KLHL1: variants seen among roughly 807,000 people sequenced by gnomAD.
KLHL1 encodes the protein kelch-like protein 1.
Under a neutral mutation model 77.7 loss-of-function variants are expected in KLHL1, and 47 were observed. That is an observed-to-expected ratio of 0.60 (90% CI 0.48 to 0.77). The LOEUF (loss-of-function observed/expected upper bound fraction) is 0.77. Ranked by LOEUF, KLHL1 falls within the 30% of genes least tolerant of loss-of-function variation. The probability of loss-of-function intolerance (pLI) is 0.00; values close to 1 mark genes in which losing one functional copy is unlikely to be tolerated. For synonymous variants in KLHL1, 360 were observed against 325.2 expected (o/e 1.11, Z -1.15); for missense variants, 925 against 910.8 (o/e 1.02, Z -0.20).
chr13:69,970,020 G>T (rs971396461), intron 2 of KLHL1, among the ~76,000 whole-genome samples: 18 of 152,048 alleles, frequency 1.2e-4, no homozygotes, highest in Non-Finnish European at 2.1e-4. Context: ...TTTAGCGAAA[G>T]CTGTGCAGAC....
At chr13:69,836,358 G>A (rs1878990147) in intron 6 of KLHL1, among the ~76,000 whole-genome samples, 1 of 152,084 alleles carries the variant, frequency 6.6e-6, no homozygotes, top group Non-Finnish European at 1.5e-5. Flanking sequence ...CACAGCAAGA[G>A]GCAGAAATCC....
intron 6 of KLHL1, among the ~76,000 whole-genome samples, chr13:69,818,109 C>A (rs534098570): frequency 6.6e-6 from 1 of 151,572 alleles, no homozygotes; most frequent in African/African-American, 2.4e-5. Context: ...CATCTGACAG[C>A]CTTATTTTAT....
rs150733045 is a variant in KLHL1, at chr13:69,877,736, G to A, written c.1227+4547C>T. On this transcript the variant is annotated intron_variant, in intron 5 of 10. Transcript: ENST00000377844. ...GGATTAGTTATTATATTTCAATAGA[G>A]GACAGAGAGCAACAGTGTTGCTTCT... 2.7e-3 allele frequency among the ~76,000 whole-genome samples: 412 copies of A among 152,144 alleles called. 1 individual carries two copies. Among genetic ancestry groups the A allele is most frequent in the Admixed American group, 0.021 (320 of 15,286 alleles).
intron 7 of KLHL1, among the ~76,000 whole-genome samples, chr13:69,791,486 A>G (rs540472714): frequency 5.9e-5 from 9 of 152,336 alleles, no homozygotes; most frequent in African/African-American, 1.9e-4. Flanking sequence ...AAAAATTCTT[A>G]AAATAAAAAC....
chr13:69,987,166 C>A (rs1411707392), intron 1 of KLHL1, among the ~76,000 whole-genome samples: 1 of 151,944 alleles, frequency 6.6e-6, no homozygotes, highest in Non-Finnish European at 1.5e-5. Context: ...GTTCACCATT[C>A]GCAATGTATC....
At chr13:69,940,589 C>T (rs2138301575) in intron 3 of KLHL1, among the ~76,000 whole-genome samples, 1 of 152,016 alleles carries the variant, frequency 6.6e-6, no homozygotes, top group South Asian at 2.1e-4. Flanking sequence ...CTCTAAGTAT[C>T]TGACAAGGTA....
At chr13:69,970,769 G>T (rs1275441710) in intron 2 of KLHL1, among the ~76,000 whole-genome samples, 1 of 152,090 alleles carries the variant, frequency 6.6e-6, no homozygotes, top group Non-Finnish European at 1.5e-5. Context: ...CTTCATTCTT[G>T]ATTTGTTCCT....
chr13:69,816,483 T>C (rs113958646), intron 6 of KLHL1, among the ~76,000 whole-genome samples: 3,468 of 151,962 alleles, frequency 0.023, 125 homozygotes, highest in African/African-American at 0.08. Flanking sequence ...AGGCTGGTCT[T>C]GAACTCCTGC....
At chr13:69,753,867 T>C (rs966572296) in intron 7 of KLHL1, among the ~76,000 whole-genome samples, 1 of 152,040 alleles carries the variant, frequency 6.6e-6, no homozygotes, top group Non-Finnish European at 1.5e-5. Flanking sequence ...AGACCAGTCT[T>C]GCTTTGTCAC....
At chr13:69,891,367 C>A (rs1881421425) in intron 4 of KLHL1, among the ~76,000 whole-genome samples, 1 of 151,890 alleles carries the variant, frequency 6.6e-6, no homozygotes, top group Admixed American at 6.6e-5. Context: ...TTTCTAGTAT[C>A]AGAAATAATT....
At position 69,719,196 on chromosome 13, in the gene KLHL1, G is replaced by GTA. The variant is rs1312378271; in HGVS notation, c.2015+172_2015+173insTA. 2.8e-4 allele frequency among the ~76,000 whole-genome samples: 6 copies of GTA among 21,736 alleles called. No homozygotes were observed. In the Admixed American group the frequency reaches 6.3e-3, roughly 23 times the overall value. 14.3% of individuals were successfully genotyped at this position (21,736 alleles called of 152,430 possible). On this transcript the variant is annotated intron_variant, in intron 9 of 10. Coordinates refer to ENST00000377844, the MANE Select transcript of KLHL1 (RefSeq NM_020866.3). ...TAAAAGAAAGTACGTGTGTGTGTGTGTGTGTGTGTGTGTGAGAGAGAGAGA... is the reference window on the plus strand; with the variant it reads ...TAAAAGAAAGTACGTGTGTGTGTGTGTATGTGTGTGTGTGTGAGAGAGAGAGA...
rs1041038557 is a variant in KLHL1 at position 70,010,903 on chromosome 13, A to T, written c.498-35101T>A. Reference sequence around the variant, plus strand: ...GTGAAACTCCGTCTCAAAAAAAAATAATAATAATAATAAAATAAAATAAAA... The same window carrying T: ...GTGAAACTCCGTCTCAAAAAAAAATTATAATAATAATAAAATAAAATAAAA... On this transcript the variant is annotated intron_variant, in intron 1 of 10. Transcript: ENST00000377844. Among the ~76,000 whole-genome samples, 3 of 123,242 alleles carry T rather than the reference A, an allele frequency of 2.4e-5. No homozygotes were observed. In the East Asian group the frequency reaches 6.2e-4, roughly 25 times the overall value. The allele number at this position is 123,242 out of a possible 152,430, so 80.9% of individuals were successfully genotyped here. A position where few individuals can be genotyped will look rare whatever the true frequency, so the allele number is the denominator to read the frequency against.
intron 3 of KLHL1, among the ~76,000 whole-genome samples, chr13:69,941,207 C>G (rs1883355978): frequency 6.6e-6 from 1 of 151,876 alleles, no homozygotes; most frequent in Non-Finnish European, 1.5e-5. Flanking sequence ...AGACCAGGAA[C>G]AAGTCTCAAT....
In KLHL1 at chr13:69,940,184, G is replaced by T; in HGVS notation, c.870C>A (p.Cys290Ter). The change falls in exon 4 of 11, where the codon TGC becomes TGA. Residue 290 changes from cysteine (C) to a stop codon, truncating the protein, a stop_gained. Transcript: ENST00000377844. LOFTEE classifies it high-confidence loss of function. ...CCACCACCTGTGGAAGCTGAAGAAGGCACGCTGCAGCAAGAAGGTTCTCAA... is the reference window on the plus strand; with the variant it reads ...CCACCACCTGTGGAAGCTGAAGAAGTCACGCTGCAGCAAGAAGGTTCTCAA... Reference protein sequence around the residue: ...DTIENLLAAACLLQLPQVVEV... With the variant: ...DTIENLLAAA The T allele has an allele frequency of 6.2e-7, 1 of 1,612,480 alleles. No homozygotes were observed. The highest frequency in any genetic ancestry group is 1.1e-5 in the South Asian group (1 of 90,934).
intron 7 of KLHL1, among the ~76,000 whole-genome samples, chr13:69,782,500 C>A (rs887183869): frequency 1.3e-5 from 2 of 152,204 alleles, no homozygotes; most frequent in African/African-American, 4.8e-5. Context: ...AAAAATGGCA[C>A]ACCAGGAGAT....
intron 7 of KLHL1, among the ~76,000 whole-genome samples, chr13:69,774,482 T>C (rs566585892): frequency 6.6e-6 from 1 of 152,164 alleles, no homozygotes; most frequent in East Asian, 1.9e-4. Flanking sequence ...TTTTGCCATA[T>C]CCTCTCTCTC....
At chr13:69,794,670 C>G (rs1566262286) in intron 7 of KLHL1, among the ~76,000 whole-genome samples, 1 of 151,740 alleles carries the variant, frequency 6.6e-6, no homozygotes. Context: ...CGTAGCCTAA[C>G]AGAGATAAGG....
intron 1 of KLHL1, among the ~76,000 whole-genome samples, chr13:70,063,101 C>T (rs933015800): frequency 2.0e-5 from 3 of 152,104 alleles, no homozygotes; most frequent in African/African-American, 7.2e-5. Flanking sequence ...TTCCCCTGAA[C>T]AGAACCCAGC....
At chr13:70,067,697 CTT>C (rs1887042974) in intron 1 of KLHL1, among the ~76,000 whole-genome samples, 1 of 152,110 alleles carries the variant, frequency 6.6e-6, no homozygotes, top group South Asian at 2.1e-4. Context: ...TTCCATATCT[CTT>C]TGAAAGAATC....
Sources: allele counts gnomAD v4.1 joint callset (sites outside exome capture counted in the v4.1 genomes callset), GRCh38; gene constraint gnomAD v4.1.1; transcripts MANE v1.5; gene names NCBI Gene and HGNC (gene_info 2026-07-23, HGNC 2026-07-21).